The following CAMK1D variants were observed in gnomAD, a reference collection of about 807,000 sequenced individuals.
The protein encoded by CAMK1D is calcium/calmodulin-dependent protein kinase type 1D.
CAMK1D carries 9 observed loss-of-function variants against 47.7 expected under a neutral mutation model. The ratio of observed to expected loss-of-function variants is 0.19; its 90% CI spans 0.11 to 0.33. The LOEUF (loss-of-function observed/expected upper bound fraction) is 0.33, where lower values mean the gene tolerates loss of function less well. Among genes scored for constraint, CAMK1D ranks in the 10% least tolerant of loss-of-function variants. CAMK1D has a pLI of 1.00. For missense variants in CAMK1D, 291 were observed against 488.7 expected (o/e 0.60, Z 3.81); for synonymous variants, 184 against 184.9 (o/e 0.99, Z 0.04).
chr10:12,507,819 C>T (rs1834922815), intron 1 of CAMK1D, among the ~76,000 whole-genome samples: 1 of 152,186 alleles, frequency 6.6e-6, no homozygotes, highest in African/African-American at 2.4e-5. Context: ...TTTTCTGTCT[C>T]CAGTGGCAGG....
Position 12,791,091 on chromosome 10 carries a change from C to A in CAMK1D, c.566-67C>A, listed in dbSNP as rs2130998157. Reference sequence around the variant, plus strand: ...GAAAGTTCAGGCCAAATAGCAGACCCCAAAAACTGTCTTCAGTCCGAGGCA... The same window carrying A: ...GAAAGTTCAGGCCAAATAGCAGACCACAAAAACTGTCTTCAGTCCGAGGCA... On this transcript the variant is annotated intron_variant, in intron 5 of 10. Coordinates refer to ENST00000619168, the MANE Select transcript of CAMK1D (RefSeq NM_153498.4). 4 of 1,477,868 alleles carry A rather than the reference C, an allele frequency of 2.7e-6. No individual in the cohort carries two copies. The East Asian group carries it at 6.8e-5, about 25-fold the overall frequency. The allele number at this position is 1,477,868 out of a possible 1,614,324, so 91.5% of individuals were successfully genotyped here.
chr10:12,794,142 C>T (rs1182305717), intron 6 of CAMK1D, among the ~76,000 whole-genome samples: 1 of 152,138 alleles, frequency 6.6e-6, no homozygotes, highest in Non-Finnish European at 1.5e-5. Context: ...AGAGGCGCTT[C>T]TCCTGGGGAG....
chr10:12,361,966 C>G (rs77883182), intron 1 of CAMK1D, among the ~76,000 whole-genome samples: 2,392 of 152,266 alleles, frequency 0.016, 36 homozygotes, highest in African/African-American at 0.044. Flanking sequence ...GGAGCCTCCC[C>G]TACCCCCCGC....
At chr10:12,667,236 G>A (rs1049166994) in intron 3 of CAMK1D, among the ~76,000 whole-genome samples, 1 of 152,216 alleles carries the variant, frequency 6.6e-6, no homozygotes, top group Non-Finnish European at 1.5e-5. Flanking sequence ...GATGGTAACT[G>A]TGTATACCCG....
chr10:12,734,387 TATAG>T (rs1262226505), intron 3 of CAMK1D, among the ~76,000 whole-genome samples: 135 of 1,778 alleles, frequency 0.076, 11 homozygotes, highest in Admixed American at 0.12. Flanking sequence ...TAGATATAGA[TATAG>T]ATATATATAT....
chr10:12,489,288 G>A (rs944269969), intron 1 of CAMK1D, among the ~76,000 whole-genome samples: 3 of 152,134 alleles, frequency 2.0e-5, no homozygotes, highest in Non-Finnish European at 2.9e-5. Context: ...TTTATGGCCC[G>A]CAGGCTGAGG....
At chr10:12,449,716 A>C (rs1833026893) in intron 1 of CAMK1D, among the ~76,000 whole-genome samples, 1 of 152,194 alleles carries the variant, frequency 6.6e-6, no homozygotes, top group Non-Finnish European at 1.5e-5. Flanking sequence ...AAAAAAAGAC[A>C]CATGTTGGCC....
chr10:12,592,625 G>A (rs1400187629), intron 2 of CAMK1D, among the ~76,000 whole-genome samples: 1 of 152,098 alleles, frequency 6.6e-6, no homozygotes, highest in East Asian at 1.9e-4. Context: ...GCAGTTTCAT[G>A]CCCCTTATTT....
chr10:12,606,041 C>T lies in CAMK1D; in HGVS notation c.224+52685C>T, dbSNP rs142201903. On this transcript the variant is annotated intron_variant, in intron 2 of 10. Coordinates refer to ENST00000619168, the MANE Select transcript of CAMK1D (RefSeq NM_153498.4). The stretch of plus-strand genomic sequence containing the variant: ...TGACTTCTAGGGCACATCGTCAGAT[C>T]GAGGTCGGAGAAAAGGCAAAACTGC... Among the ~76,000 whole-genome samples the T allele has an allele frequency of 1.7e-3, 260 of 152,340 alleles. 1 individual carries two copies. Among genetic ancestry groups the T allele is most frequent in the African/African-American group, 5.9e-3 (247 of 41,570 alleles).
chr10:12,432,983 C>G (rs1348396418), intron 1 of CAMK1D, among the ~76,000 whole-genome samples: 3 of 152,242 alleles, frequency 2.0e-5, no homozygotes, highest in African/African-American at 4.8e-5. Flanking sequence ...AGGGATTTCA[C>G]TGTCCCTGAG....
At chr10:12,606,131 G>A (rs185861287) in intron 2 of CAMK1D, among the ~76,000 whole-genome samples, 6 of 152,310 alleles carry the variant, frequency 3.9e-5, no homozygotes, top group East Asian at 1.9e-4. Context: ...CAGAATAACC[G>A]TTTCCTTTGA....
chr10:12,352,688 T>C (rs1223157175), intron 1 of CAMK1D, among the ~76,000 whole-genome samples: 1 of 151,868 alleles, frequency 6.6e-6, no homozygotes, highest in Non-Finnish European at 1.5e-5. Flanking sequence ...TTGGAAAACT[T>C]GGAAGCATTT....
At chr10:12,369,508 G>C (rs960002708) in intron 1 of CAMK1D, among the ~76,000 whole-genome samples, 1 of 152,198 alleles carries the variant, frequency 6.6e-6, no homozygotes, top group South Asian at 2.1e-4. Flanking sequence ...CGGGATGGGG[G>C]CTCAGGGACA....
intron 2 of CAMK1D, among the ~76,000 whole-genome samples, chr10:12,585,937 A>G (rs1023827388): frequency 2.0e-5 from 3 of 152,178 alleles, no homozygotes; most frequent in East Asian, 1.9e-4. Context: ...GCTCTGTGGC[A>G]TCTGTCACAG....
At chr10:12,495,905 A>G (rs1834524097) in intron 1 of CAMK1D, among the ~76,000 whole-genome samples, 1 of 152,058 alleles carries the variant, frequency 6.6e-6, no homozygotes, top group Non-Finnish European at 1.5e-5. Flanking sequence ...TCAGCTCACT[A>G]CGACTTCTAC....
chr10:12,611,929 A>T (rs1838639473), intron 2 of CAMK1D, among the ~76,000 whole-genome samples: 1 of 152,068 alleles, frequency 6.6e-6, no homozygotes, highest in Admixed American at 6.6e-5. Flanking sequence ...GCCCCAGGTT[A>T]TCCTGCTAAT....
At chr10:12,552,565 G>C (rs546297611) in intron 1 of CAMK1D, among the ~76,000 whole-genome samples, 1 of 152,282 alleles carries the variant, frequency 6.6e-6, no homozygotes, top group East Asian at 1.9e-4. Flanking sequence ...GAAGGATCCA[G>C]TCCTTTTCTG....
chr10:12,809,629 A>T (rs578231576), intron 6 of CAMK1D, among the ~76,000 whole-genome samples: 1 of 152,376 alleles, frequency 6.6e-6, no homozygotes, highest in East Asian at 1.9e-4. Context: ...GAAACAAGCC[A>T]GGCATAGAAA....
chr10:12,494,264 T>C (rs1222725002), intron 1 of CAMK1D, among the ~76,000 whole-genome samples: 2 of 152,240 alleles, frequency 1.3e-5, no homozygotes, highest in Non-Finnish European at 2.9e-5. Context: ...AGAGCCAGAT[T>C]ATCTGTGGTG....
Sources: gnomAD v4.1 joint callset for allele counts (sites outside exome capture counted in the v4.1 genomes callset) on GRCh38, gnomAD v4.1.1 for gene constraint, MANE v1.5 for transcripts, NCBI Gene and HGNC (gene_info 2026-07-23, HGNC 2026-07-21) for gene names.